Variants in KAZN observed in about 807,000 individuals in gnomAD.
KAZN encodes the protein kazrin.
Under a neutral mutation model 87.4 loss-of-function variants are expected in KAZN, and 40 were observed. The ratio of observed to expected loss-of-function variants is 0.46; its 90% CI spans 0.36 to 0.60. KAZN has a LOEUF of 0.60. Ranked by LOEUF, KAZN falls within the 20% of genes least tolerant of loss-of-function variation. The pLI is 0.00. For synonymous variants in KAZN, 466 were observed against 458.3 expected, an observed-to-expected ratio of 1.02 and a Z score of -0.22; for missense variants, 898 against 1,073.9, an observed-to-expected ratio of 0.84 and a Z score of 2.29.
chr1:14,352,293 G>C (rs1006654547), intron 2 of KAZN, among the ~76,000 whole-genome samples: 2 of 151,908 alleles, frequency 1.3e-5, no homozygotes, highest in South Asian at 2.1e-4. Context: ...ATGAACATTT[G>C]TAAGAGTAAA....
intron 1 of KAZN, among the ~76,000 whole-genome samples, chr1:14,739,214 T>C (rs766731017): frequency 1.4e-4 from 22 of 152,250 alleles, no homozygotes; most frequent in Admixed American, 5.9e-4. Flanking sequence ...CCATCTAGCG[T>C]TAAAAGCCAT....
intron 2 of KAZN, among the ~76,000 whole-genome samples, chr1:14,181,469 G>A (rs1008732764): frequency 2.0e-5 from 3 of 152,182 alleles, no homozygotes; most frequent in African/African-American, 7.2e-5. Context: ...GCTGGTAGTG[G>A]TTTATGTTTT....
chr1:14,816,076 T>G (rs2100805070), intron 1 of KAZN, among the ~76,000 whole-genome samples: 1 of 152,242 alleles, frequency 6.6e-6, no homozygotes, highest in Admixed American at 6.5e-5. Context: ...CTGTTGGGGT[T>G]TGAGGAGAGG....
chr1:14,161,510 C>CTT (rs1645709424), intron 1 of KAZN, among the ~76,000 whole-genome samples: 1 of 152,232 alleles, frequency 6.6e-6, no homozygotes, highest in South Asian at 2.1e-4. Flanking sequence ...GTCTTCACAA[C>CTT]TTCAGTTGAC....
At chr1:14,586,702 T>A (rs1171516425) in intron 2 of KAZN, among the ~76,000 whole-genome samples, 6 of 82,580 alleles carry the variant, frequency 7.3e-5, no homozygotes, top group East Asian at 3.1e-4. Flanking sequence ...CACCCAGATA[T>A]GTTTTTTTTT....
intron 1 of KAZN, among the ~76,000 whole-genome samples, chr1:14,635,745 C>T (rs1679928105): frequency 6.6e-6 from 1 of 152,190 alleles, no homozygotes; most frequent in Non-Finnish European, 1.5e-5. Context: ...CAGTGGTTCT[C>T]AACTGGGGCC....
intron 1 of KAZN, among the ~76,000 whole-genome samples, chr1:13,895,136 A>G (rs1242945396): frequency 2.0e-5 from 3 of 152,214 alleles, no homozygotes; most frequent in African/African-American, 7.2e-5. Context: ...AGGGAGGGGC[A>G]TAGCTGCCTT....
rs909573837 is a variant in KAZN, at chr1:15,114,713, C to G, written c.*78C>G. 15 of 1,427,426 alleles carry G rather than the reference C, an allele frequency of 1.1e-5. No individual in the cohort carries two copies. Among genetic ancestry groups the G allele is most frequent in the Non-Finnish European group, 1.1e-5 (12 of 1,051,582 alleles). The allele number at this position is 1,427,426 out of a possible 1,614,324, so 88.4% of individuals were successfully genotyped here. A position where few individuals can be genotyped will look rare whatever the true frequency, so the allele number is the denominator to read the frequency against. On this transcript the variant is annotated 3_prime_UTR_variant, in exon 15 of 15. Coordinates refer to ENST00000376030, the MANE Select transcript of KAZN (RefSeq NM_201628.3). Reference sequence around the variant, plus strand: ...GCCAGATGGCCCCAGGTGTCGTTCTCACTGTACATAGCGGCCGCAGGCTGA... The same window carrying G: ...GCCAGATGGCCCCAGGTGTCGTTCTGACTGTACATAGCGGCCGCAGGCTGA...
chr1:14,418,553 G>C (rs575664183), intron 2 of KAZN, among the ~76,000 whole-genome samples: 2 of 152,174 alleles, frequency 1.3e-5, no homozygotes, highest in Admixed American at 1.3e-4. Flanking sequence ...TTAGGAACCA[G>C]TCAGAATTTA....
intron 1 of KAZN, among the ~76,000 whole-genome samples, chr1:14,700,491 G>T (rs1641862981): frequency 2.0e-5 from 3 of 151,714 alleles, no homozygotes; most frequent in Non-Finnish European, 2.9e-5. Flanking sequence ...AAAATAGTCA[G>T]AGGCTGTGCT....
At chr1:14,455,586 G>A (rs1387064276) in intron 2 of KAZN, among the ~76,000 whole-genome samples, 4 of 152,146 alleles carry the variant, frequency 2.6e-5, no homozygotes, top group Non-Finnish European at 5.9e-5. Flanking sequence ...CATGAATATG[G>A]ACAGTGATCT....
intron 2 of KAZN, among the ~76,000 whole-genome samples, chr1:14,226,635 A>G (rs1184710578): frequency 6.6e-6 from 1 of 152,212 alleles, no homozygotes; most frequent in Non-Finnish European, 1.5e-5. Context: ...AGAATAGCAA[A>G]GACATAGAAT....
At position 14,856,953 on chromosome 1, in the gene KAZN, T is replaced by A. The variant is rs990199342; in HGVS notation, c.227-103731T>A. 6.6e-6 allele frequency among the ~76,000 whole-genome samples: 1 copy of A among 152,158 alleles called. No individual in the cohort carries two copies. Among genetic ancestry groups the A allele is most frequent in the African/African-American group, 2.4e-5 (1 of 41,442 alleles). On this transcript the variant is annotated intron_variant, in intron 1 of 14. Transcript: ENST00000376030. This position sits in a 1 kb window ranked among gnomAD's most constrained non-coding sequence, Gnocchi z 5.2. ...ACTATCTTCATCCACACATAGGGGT[T>A]TCTGCAGAGGATAACAATTTGCACT...
chr1:14,520,035 C>T (rs1251711381), intron 2 of KAZN, among the ~76,000 whole-genome samples: 2 of 152,142 alleles, frequency 1.3e-5, no homozygotes, highest in East Asian at 1.9e-4. Context: ...GGCAAGAAGA[C>T]GCCTTATAAT....
chr1:14,979,425 T>C (rs1371773608), intron 2 of KAZN, among the ~76,000 whole-genome samples: 1 of 151,602 alleles, frequency 6.6e-6, no homozygotes, highest in Admixed American at 6.6e-5. Flanking sequence ...AATAAATAAA[T>C]AAGAACAAAT....
chr1:14,692,268 A>G, intron 1 of KAZN: 1 of 700,064 alleles, frequency 1.4e-6, no homozygotes, highest in Non-Finnish European at 2.1e-6. Flanking sequence ...TGGGATCATC[A>G]TCTGGGATTC....
chr1:14,293,584 CT>C (rs1326249431), intron 2 of KAZN, among the ~76,000 whole-genome samples: 1 of 151,978 alleles, frequency 6.6e-6, no homozygotes, highest in Non-Finnish European at 1.5e-5. Flanking sequence ...AGCCCCTGGT[CT>C]TGGTCCATTC....
intron 1 of KAZN, among the ~76,000 whole-genome samples, chr1:13,988,820 G>A (rs1405382624): frequency 6.6e-6 from 1 of 152,168 alleles, no homozygotes; most frequent in East Asian, 1.9e-4. Context: ...CTTTGAGAAT[G>A]TGTTAAACTC....
chr1:13,925,817 A>C (rs1640250901), intron 1 of KAZN, among the ~76,000 whole-genome samples: 1 of 152,200 alleles, frequency 6.6e-6, no homozygotes, highest in South Asian at 2.1e-4. Context: ...GGGTGTGACC[A>C]TGAATTGGAC....
Sources: gnomAD v4.1 joint callset for allele counts (sites outside exome capture counted in the v4.1 genomes callset) on GRCh38, gnomAD v4.1.1 for gene constraint, Gnocchi (gnomAD v3.1) non-coding constraint, MANE v1.5 for transcripts, NCBI Gene and HGNC (gene_info 2026-07-23, HGNC 2026-07-21) for gene names.